Variants in TULP4 observed in about 807,000 individuals in gnomAD.
The protein encoded by TULP4 is TUB like protein 4.
TULP4 carries 16 observed loss-of-function variants against 129.0 expected under a neutral mutation model. The observed-to-expected ratio is 0.12, with a 90% CI of 0.08 to 0.19. The LOEUF is 0.19. Ranked by LOEUF, TULP4 falls within the 10% of genes least tolerant of loss-of-function variation. The probability of loss-of-function intolerance (pLI) is 1.00; values close to 1 mark genes in which losing one functional copy is unlikely to be tolerated. For missense variants in TULP4, 1,842 were observed against 2,059.1 expected (o/e 0.89, Z 2.04); for synonymous variants, 998 against 854.0 (o/e 1.17, Z -2.94).
At chr6:158,444,151 C>T (rs1323849161) in intron 3 of TULP4, among the ~76,000 whole-genome samples, 3 of 118,598 alleles carry the variant, frequency 2.5e-5, no homozygotes, top group African/African-American at 6.5e-5. Context: ...ACCTGGGAGG[C>T]AGAGGTTGCA....
At chr6:158,234,685 C>T (rs1001650388) in intron 1 of TULP4, among the ~76,000 whole-genome samples, 2 of 152,188 alleles carry the variant, frequency 1.3e-5, no homozygotes, top group Non-Finnish European at 2.9e-5. Flanking sequence ...GTTTAGCATT[C>T]TGTGCAGCAT....
chr6:158,300,852 G>C (rs1779118678), intron 1 of TULP4, among the ~76,000 whole-genome samples: 1 of 152,192 alleles, frequency 6.6e-6, no homozygotes, highest in South Asian at 2.1e-4. Context: ...GAGGGCAGTG[G>C]TGGACAATAA....
intron 1 of TULP4, among the ~76,000 whole-genome samples, chr6:158,373,351 C>T (rs968216321): frequency 1.3e-5 from 2 of 152,164 alleles, no homozygotes; most frequent in East Asian, 1.9e-4. Context: ...GAGGAGCTGG[C>T]GCTGTTCACC....
At chr6:158,426,358 T>G (rs1427589889) in intron 2 of TULP4, among the ~76,000 whole-genome samples, 1 of 152,200 alleles carries the variant, frequency 6.6e-6, no homozygotes, top group Non-Finnish European at 1.5e-5. Flanking sequence ...TTGTTTGGGT[T>G]TTTACATTTA....
chr6:158,381,219 G>A (rs187414491), intron 1 of TULP4, among the ~76,000 whole-genome samples: 365 of 149,034 alleles, frequency 2.4e-3, no homozygotes, highest in Non-Finnish European at 4.6e-3. Context: ...CTTTGATTCT[G>A]ACTTCTTCTG....
chr6:158,440,370 A>G (rs533281006), intron 3 of TULP4, among the ~76,000 whole-genome samples: 11 of 151,684 alleles, frequency 7.3e-5, no homozygotes, highest in East Asian at 5.8e-4. Flanking sequence ...TAAAATCTCA[A>G]TGGTCAGCTT....
intron 8 of TULP4, among the ~76,000 whole-genome samples, chr6:158,487,737 G>A (rs1301312000): frequency 9.2e-5 from 14 of 152,272 alleles, no homozygotes; most frequent in African/African-American, 2.7e-4. Context: ...CGTCAGAGTG[G>A]CAGGCAGTGC....
At chr6:158,306,524 A>G (rs1161112791) in intron 1 of TULP4, among the ~76,000 whole-genome samples, 1 of 152,236 alleles carries the variant, frequency 6.6e-6, no homozygotes, top group Non-Finnish European at 1.5e-5. Flanking sequence ...GCGCCACTGC[A>G]CTGCAGTCTG....
intron 1 of TULP4, among the ~76,000 whole-genome samples, chr6:158,386,439 G>A (rs1174659949): frequency 6.6e-6 from 1 of 152,108 alleles, no homozygotes; most frequent in Non-Finnish European, 1.5e-5. Flanking sequence ...AATTTATAGA[G>A]TACTAATAGA....
intron 1 of TULP4, among the ~76,000 whole-genome samples, chr6:158,369,863 T>C (rs182346016): frequency 6.6e-6 from 1 of 152,060 alleles, no homozygotes; most frequent in Non-Finnish European, 1.5e-5. Context: ...TCTTTGACTT[T>C]TGTACCATGT....
At chr6:158,317,492 G>A (rs1190798039) in intron 1 of TULP4, among the ~76,000 whole-genome samples, 5 of 52,044 alleles carry the variant, frequency 9.6e-5, no homozygotes, top group Admixed American at 9.0e-4. Flanking sequence ...CAAAGGACAT[G>A]AACTCATCCT....
intron 1 of TULP4, among the ~76,000 whole-genome samples, chr6:158,297,677 G>A (rs1165511086): frequency 1.3e-5 from 2 of 152,128 alleles, no homozygotes; most frequent in African/African-American, 2.4e-5. Context: ...GCTCCAGCTG[G>A]TCCCTCTGTT....
At chr6:158,474,978 C>A (rs987113261) in intron 6 of TULP4, among the ~76,000 whole-genome samples, 1 of 152,224 alleles carries the variant, frequency 6.6e-6, no homozygotes, top group African/African-American at 2.4e-5. Context: ...CATTGTCAGT[C>A]CCCTTATAAC....
chr6:158,262,489 A>G (rs1302435032), intron 1 of TULP4, among the ~76,000 whole-genome samples: 4 of 152,332 alleles, frequency 2.6e-5, no homozygotes, highest in East Asian at 1.9e-4. Context: ...GTCTTCCTGC[A>G]CATTGTTCTT....
At chr6:158,250,806 T>A (rs1010237831) in intron 1 of TULP4, among the ~76,000 whole-genome samples, 1 of 152,238 alleles carries the variant, frequency 6.6e-6, no homozygotes, top group African/African-American at 2.4e-5. Flanking sequence ...AATAGGGAAT[T>A]GATCTGTTAC....
At chr6:158,429,469 A>C (rs1254603782) in intron 2 of TULP4, among the ~76,000 whole-genome samples, 1 of 152,152 alleles carries the variant, frequency 6.6e-6, no homozygotes, top group African/African-American at 2.4e-5. Flanking sequence ...TTGTAGAGGT[A>C]GTATCTCGTT....
At chr6:158,450,923 A>G (rs796683566) in intron 4 of TULP4, among the ~76,000 whole-genome samples, 3 of 151,964 alleles carry the variant, frequency 2.0e-5, no homozygotes, top group Non-Finnish European at 4.4e-5. Context: ...AAATTAGCCA[A>G]GCATGGTGGT....
intron 1 of TULP4, chr6:158,232,441 CGGCGGGCGGGGGTCGG>C (rs1180208495): frequency 6.9e-6 from 1 of 144,196 alleles, no homozygotes; most frequent in Non-Finnish European, 1.5e-5. Context: ...TTGGTGGGCG[CGGCGGGCGGGGGTCGG>C]GGCGGTGGCT....
At chr6:158,494,638 T>C in intron 10 of TULP4, 115 bp from the exon 11 acceptor site, 1 of 933,220 alleles carries the variant, frequency 1.1e-6, no homozygotes, top group Non-Finnish European at 1.6e-6. Flanking sequence ...AATGGGTGTT[T>C]CTTGCAGTGC....
Sources: gnomAD v4.1 joint callset for allele counts (sites outside exome capture counted in the v4.1 genomes callset) on GRCh38, gnomAD v4.1.1 for gene constraint, MANE v1.5 for transcripts, NCBI Gene and HGNC (gene_info 2026-07-23, HGNC 2026-07-21) for gene names.